Variants in B3GALT1 observed in about 807,000 individuals in gnomAD.
The protein encoded by B3GALT1 is beta-1,3-galactosyltransferase 1.
B3GALT1 carries 10 observed loss-of-function variants against 23.2 expected under a neutral mutation model. The observed-to-expected ratio is 0.43, with a 90% CI of 0.27 to 0.73. B3GALT1 has a LOEUF of 0.73. Among genes scored for constraint, B3GALT1 ranks in the 30% least tolerant of loss-of-function variants. The probability of loss-of-function intolerance (pLI) is 0.21; values close to 1 mark genes in which losing one functional copy is unlikely to be tolerated. For synonymous variants in B3GALT1, 156 were observed against 141.5 expected, an observed-to-expected ratio of 1.10 and a Z score of -0.73; for missense variants, 299 against 405.4, an observed-to-expected ratio of 0.74 and a Z score of 2.25.
intron 1 of B3GALT1, among the ~76,000 whole-genome samples, chr2:167,448,682 A>G (rs1474360575): frequency 1.3e-5 from 2 of 152,098 alleles, no homozygotes; most frequent in African/African-American, 2.4e-5. Context: ...GCCTAAGCCA[A>G]TGTCTAGAAG....
intron 3 of B3GALT1, among the ~76,000 whole-genome samples, chr2:167,669,672 A>G (rs1326133406): frequency 6.6e-6 from 1 of 152,270 alleles, no homozygotes; most frequent in Admixed American, 6.5e-5. Context: ...AAATGTATGT[A>G]AAATGTATTT....
At chr2:167,847,552 C>G (rs1228686438) in intron 4 of B3GALT1, among the ~76,000 whole-genome samples, 1 of 152,078 alleles carries the variant, frequency 6.6e-6, no homozygotes, top group Non-Finnish European at 1.5e-5. Flanking sequence ...ACAATAATGA[C>G]ACAACCTACC....
At chr2:167,592,240 T>C (rs1427412740) in intron 2 of B3GALT1, among the ~76,000 whole-genome samples, 3 of 152,312 alleles carry the variant, frequency 2.0e-5, no homozygotes, top group East Asian at 3.9e-4. Flanking sequence ...TGTATAGATA[T>C]TCTTAAAACT....
At chr2:167,422,402 C>T (rs979715128) in intron 1 of B3GALT1, among the ~76,000 whole-genome samples, 11 of 152,092 alleles carry the variant, frequency 7.2e-5, no homozygotes, top group African/African-American at 2.7e-4. Context: ...TTGTTTAAAC[C>T]ACCCAGTCTA....
At chr2:167,576,157 G>A (rs1684379478) in intron 2 of B3GALT1, among the ~76,000 whole-genome samples, 2 of 151,612 alleles carry the variant, frequency 1.3e-5, no homozygotes, top group East Asian at 1.9e-4. Context: ...TTGTCCATAG[G>A]CCTCTTTATT....
chr2:167,341,345 T>C (rs983105523), intron 1 of B3GALT1, among the ~76,000 whole-genome samples: 1 of 151,992 alleles, frequency 6.6e-6, no homozygotes, highest in Non-Finnish European at 1.5e-5. Context: ...TAGAAGAGAG[T>C]CTGATAGCAG....
At chr2:167,660,265 T>A (rs966404953) in intron 3 of B3GALT1, among the ~76,000 whole-genome samples, 6 of 152,084 alleles carry the variant, frequency 3.9e-5, no homozygotes, top group Admixed American at 2.0e-4. Context: ...CTAATTGCTG[T>A]TTTGCCCTCT....
At chr2:167,483,020 G>A (rs1001166563) in intron 1 of B3GALT1, among the ~76,000 whole-genome samples, 1 of 152,020 alleles carries the variant, frequency 6.6e-6, no homozygotes. Context: ...GTGGCCAGGC[G>A]GGGTGGCTCA....
chr2:167,579,432 C>CTTTTTTTTTTTTTTT (rs71395297), intron 2 of B3GALT1, among the ~76,000 whole-genome samples: 2 of 109,048 alleles, frequency 1.8e-5, no homozygotes, highest in African/African-American at 3.8e-5. Context: ...TTTTTTTTGT[C>CTTTTTTTTTTTTTTT]TTTTTTTTTT....
rs1558887868 is a variant in B3GALT1, at chr2:167,512,610, ATATATATATACG to A, written c.-410+22335_-410+22346del. On this transcript the variant is annotated intron_variant, in intron 2 of 4. Coordinates refer to ENST00000392690, the MANE Select transcript of B3GALT1 (RefSeq NM_020981.4). ...TATATATGTGTATATATATATATGT[ATATATATATACG>A]TGTATATATATATACATATATATAT... 2.5e-4 allele frequency among the ~76,000 whole-genome samples: 28 copies of A among 110,714 alleles called. 2 individuals are homozygous for A. Among genetic ancestry groups the A allele is most frequent in the South Asian group, 1.7e-3 (5 of 2,966 alleles). 72.6% of individuals were successfully genotyped at this position (110,714 alleles called of 152,430 possible). A position where few individuals can be genotyped will look rare whatever the true frequency, so the allele number is the denominator to read the frequency against.
At chr2:167,787,591 C>T (rs1233637437) in intron 3 of B3GALT1, among the ~76,000 whole-genome samples, 1 of 152,204 alleles carries the variant, frequency 6.6e-6, no homozygotes, top group African/African-American at 2.4e-5. Context: ...TATTAAGACT[C>T]ACCATCACAT....
chr2:167,579,955 G>C (rs899069352), intron 2 of B3GALT1, among the ~76,000 whole-genome samples: 3 of 152,122 alleles, frequency 2.0e-5, no homozygotes, highest in Admixed American at 2.0e-4. Context: ...AGATGGTAGA[G>C]TTCAATTTTT....
intron 1 of B3GALT1, among the ~76,000 whole-genome samples, chr2:167,329,420 C>T (rs1371772987): frequency 6.6e-6 from 1 of 152,204 alleles, no homozygotes; most frequent in East Asian, 1.9e-4. Context: ...TAATGTGTAT[C>T]CTGGAGAATG....
At chr2:167,853,970 A>G (rs1368176989) in intron 4 of B3GALT1, among the ~76,000 whole-genome samples, 6 of 152,166 alleles carry the variant, frequency 3.9e-5, no homozygotes, top group Non-Finnish European at 1.5e-5. Flanking sequence ...CAACATGAAA[A>G]GAGAAATAGG....
At chr2:167,419,135 G>C (rs551346400) in intron 1 of B3GALT1, among the ~76,000 whole-genome samples, 1 of 152,074 alleles carries the variant, frequency 6.6e-6, no homozygotes, top group African/African-American at 2.4e-5. Flanking sequence ...CCATAGCTTA[G>C]GAAAATGTAT....
chr2:167,458,272 T>A (rs189591644), intron 1 of B3GALT1, among the ~76,000 whole-genome samples: 22 of 152,354 alleles, frequency 1.4e-4, no homozygotes, highest in Admixed American at 1.3e-3. Flanking sequence ...TCATCTGTGT[T>A]GTAGCATGTG....
intron 4 of B3GALT1, among the ~76,000 whole-genome samples, chr2:167,824,728 A>G (rs1689178734): frequency 1.3e-5 from 2 of 152,204 alleles, no homozygotes; most frequent in African/African-American, 2.4e-5. Flanking sequence ...CAGGTCCCCA[A>G]GCAGCTGAGC....
chr2:167,854,638 C>G (rs983792300), intron 4 of B3GALT1, among the ~76,000 whole-genome samples: 3 of 152,186 alleles, frequency 2.0e-5, no homozygotes, highest in Non-Finnish European at 4.4e-5. Context: ...CCAGAGGTAT[C>G]TGATGGGTGG....
At chr2:167,681,407 A>C (rs1686528911) in intron 3 of B3GALT1, among the ~76,000 whole-genome samples, 1 of 152,158 alleles carries the variant, frequency 6.6e-6, no homozygotes, top group African/African-American at 2.4e-5. Flanking sequence ...AGTCAAACTG[A>C]TGGTTGCTGT....
Sources: gnomAD v4.1 joint callset for allele counts (sites outside exome capture counted in the v4.1 genomes callset) on GRCh38, gnomAD v4.1.1 for gene constraint, MANE v1.5 for transcripts, NCBI Gene and HGNC (gene_info 2026-07-23, HGNC 2026-07-21) for gene names.